MAGI2: variants seen among roughly 807,000 people sequenced by gnomAD.
MAGI2 encodes the protein membrane-associated guanylate kinase, WW and PDZ domain-containing protein 2.
MAGI2 carries 35 observed loss-of-function variants against 133.3 expected under a neutral mutation model. The ratio of observed to expected loss-of-function variants is 0.26; its 90% CI spans 0.20 to 0.35. The LOEUF is 0.35. MAGI2 is among the 10% of genes least tolerant of loss of function. MAGI2 has a pLI of 1.00. For synonymous variants in MAGI2, 729 were observed against 710.6 expected (o/e 1.03, Z -0.41); for missense variants, 1,636 against 1,863.4 (o/e 0.88, Z 2.25).
At chr7:78,196,249 C>T (rs530676253) in intron 11 of MAGI2, among the ~76,000 whole-genome samples, 4 of 152,036 alleles carry the variant, frequency 2.6e-5, no homozygotes, top group East Asian at 3.9e-4. Flanking sequence ...TCTTGCTGAC[C>T]GCCCTGTCCC....
chr7:79,326,391 A>G (rs1335057468), intron 1 of MAGI2, among the ~76,000 whole-genome samples: 3 of 152,166 alleles, frequency 2.0e-5, no homozygotes, highest in African/African-American at 7.2e-5. Context: ...AGGTTACACT[A>G]TGATATTATT....
intron 3 of MAGI2, among the ~76,000 whole-genome samples, chr7:78,526,913 CAGG>C (rs1404873261): frequency 1.4e-5 from 2 of 138,660 alleles, no homozygotes; most frequent in African/African-American, 2.7e-5. Flanking sequence ...GAGGCTGAGA[CAGG>C]AGAATCGCTT....
At chr7:78,891,800 T>C (rs1365666202) in intron 2 of MAGI2, among the ~76,000 whole-genome samples, 1 of 152,152 alleles carries the variant, frequency 6.6e-6, no homozygotes, top group Non-Finnish European at 1.5e-5. Flanking sequence ...CTGGAAGCAT[T>C]CCCTTTGAAA....
chr7:78,569,946 ATTCT>A (rs1176295406), intron 3 of MAGI2, among the ~76,000 whole-genome samples: 1 of 152,136 alleles, frequency 6.6e-6, no homozygotes, highest in African/African-American at 2.4e-5. Context: ...TTTTGATATG[ATTCT>A]TTGTTTTTGT....
At chr7:78,838,691 T>C (rs1272433287) in intron 2 of MAGI2, among the ~76,000 whole-genome samples, 1 of 152,068 alleles carries the variant, frequency 6.6e-6, no homozygotes, top group Non-Finnish European at 1.5e-5. Context: ...GAATATGGAA[T>C]ATTTTTCTTT....
chr7:78,131,272 T>G (rs1483152836), intron 18 of MAGI2, among the ~76,000 whole-genome samples: 1 of 152,226 alleles, frequency 6.6e-6, no homozygotes, highest in Non-Finnish European at 1.5e-5. Context: ...CTCTGCATCA[T>G]TTGCTTTATG....
intron 3 of MAGI2, among the ~76,000 whole-genome samples, chr7:78,584,685 A>C (rs375799681): frequency 1.4e-4 from 22 of 152,142 alleles, no homozygotes; most frequent in Admixed American, 9.8e-4. Context: ...GTGATTGAAG[A>C]AGGTGGCTGG....
chr7:78,684,466 A>T (rs1248981135), intron 2 of MAGI2, among the ~76,000 whole-genome samples: 2 of 152,202 alleles, frequency 1.3e-5, no homozygotes, highest in East Asian at 3.9e-4. Context: ...TCTAACACAG[A>T]CCCAACTGCA....
chr7:78,581,379 A>G (rs1802820387), intron 3 of MAGI2, among the ~76,000 whole-genome samples: 1 of 152,146 alleles, frequency 6.6e-6, no homozygotes, highest in Non-Finnish European at 1.5e-5. Flanking sequence ...ATTAGTATTC[A>G]TTTTTATCCA....
chr7:78,886,721 T>C (rs1321108052), intron 2 of MAGI2, among the ~76,000 whole-genome samples: 2 of 152,220 alleles, frequency 1.3e-5, no homozygotes, highest in African/African-American at 2.4e-5. Context: ...TTGTCACTTA[T>C]TTCTTCCTGA....
intron 1 of MAGI2, among the ~76,000 whole-genome samples, chr7:79,391,283 G>A (rs909330706): frequency 6.6e-6 from 1 of 151,564 alleles, no homozygotes; most frequent in African/African-American, 2.4e-5. Context: ...CATAAATTTT[G>A]CAAATGTAGA....
At chr7:79,291,881 G>A (rs116304643) in intron 1 of MAGI2, among the ~76,000 whole-genome samples, 2,096 of 152,046 alleles carry the variant, frequency 0.014, 50 homozygotes, top group African/African-American at 0.048. Context: ...TCATTTTCTT[G>A]ATGGTGTCCT....
At chr7:79,129,775 A>G (rs41514949) in intron 1 of MAGI2, among the ~76,000 whole-genome samples, 4,330 of 152,292 alleles carry the variant, frequency 0.028, 226 homozygotes, top group African/African-American at 0.099. Context: ...AGAAGGCAAT[A>G]TTAATGTGAA....
At chr7:79,237,773 T>C (rs1832054311) in intron 1 of MAGI2, among the ~76,000 whole-genome samples, 1 of 152,224 alleles carries the variant, frequency 6.6e-6, no homozygotes, top group African/African-American at 2.4e-5. Flanking sequence ...TCCTTGCATA[T>C]GCCACAATGT....
intron 2 of MAGI2, among the ~76,000 whole-genome samples, chr7:78,637,444 A>C (rs1461412114): frequency 1.2e-5 from 1 of 84,404 alleles, no homozygotes; most frequent in Non-Finnish European, 2.7e-5. Flanking sequence ...AAAAAAAAAT[A>C]AGCATCTAAT....
At chr7:78,809,811 T>C (rs1788888626) in intron 2 of MAGI2, among the ~76,000 whole-genome samples, 1 of 152,208 alleles carries the variant, frequency 6.6e-6, no homozygotes, top group South Asian at 2.1e-4. Flanking sequence ...GGCTCTAGGA[T>C]ACTTGACTTA....
chr7:79,430,394 T>A (rs944867081), intron 1 of MAGI2, among the ~76,000 whole-genome samples: 47 of 152,332 alleles, frequency 3.1e-4, no homozygotes, highest in African/African-American at 1.1e-3. Flanking sequence ...CAAATTTACA[T>A]AAAAACTTCA....
intron 1 of MAGI2, among the ~76,000 whole-genome samples, chr7:79,196,946 T>TATA (rs1554402155): frequency 6.6e-6 from 1 of 151,624 alleles, no homozygotes. Context: ...TTTTGATTTT[T>TATA]TATATATATA....
At chr7:78,170,237 G>A (rs1262208203) in intron 14 of MAGI2, 3 of 152,182 alleles carry the variant, frequency 2.0e-5, no homozygotes, top group African/African-American at 4.8e-5. Flanking sequence ...AGCCATAGCT[G>A]CTACTGGGCC....
Sources: allele counts gnomAD v4.1 joint callset (sites outside exome capture counted in the v4.1 genomes callset), GRCh38; gene constraint gnomAD v4.1.1; transcripts MANE v1.5; gene names NCBI Gene and HGNC (gene_info 2026-07-23, HGNC 2026-07-21).